Variants in UNC5C observed in about 807,000 individuals in gnomAD.
UNC5C encodes unc-5 netrin receptor C, also known as netrin receptor UNC5C.
A neutral mutation model predicts 99.8 loss-of-function variants in UNC5C; 47 were observed. The observed-to-expected ratio is 0.47, with a 90% CI of 0.37 to 0.60. The LOEUF (loss-of-function observed/expected upper bound fraction) is 0.60. Ranked by LOEUF, UNC5C falls within the 20% of genes least tolerant of loss-of-function variation. The pLI is 0.00. For synonymous variants in UNC5C, 487 were observed against 452.2 expected, an observed-to-expected ratio of 1.08 and a Z score of -0.98; for missense variants, 1,062 against 1,165.9, an observed-to-expected ratio of 0.91 and a Z score of 1.30.
chr4:95,234,381 C>CTTTT (rs35325293), intron 7 of UNC5C, among the ~76,000 whole-genome samples: 62,772 of 150,232 alleles, frequency 0.42, 13,315 homozygotes, highest in East Asian at 0.62. Context: ...AATCGCTTAC[C>CTTTT]TTTTTTTTAT....
chr4:95,209,286 A>T (rs570344459), intron 10 of UNC5C, among the ~76,000 whole-genome samples: 1 of 152,348 alleles, frequency 6.6e-6, no homozygotes, highest in South Asian at 2.1e-4. Flanking sequence ...GTGTTTTATC[A>T]GCACGCATAA....
Position 95,202,750 on chromosome 4 carries a change from T to G in UNC5C, c.2117A>C (p.Asp706Ala). ...EYSIRVYCLD[D>A]TQDALKEILH... ...ACTTACCTTCAGGGCATCCTGGGTGTCATCCAGACAGTAGACTCGGATGCT... is the reference window on the plus strand; with the variant it reads ...ACTTACCTTCAGGGCATCCTGGGTGGCATCCAGACAGTAGACTCGGATGCT... The change falls in exon 12 of 16, where the codon GAC becomes GCC. Residue 706 changes from aspartate to alanine, a missense_variant. By Grantham distance (126) the Asp-to-Ala change is moderately radical. This residue lies in a region of UNC5C where 810 missense variants were observed against 854.5 expected (regional missense o/e 0.95). Coordinates refer to ENST00000453304, the MANE Select transcript of UNC5C (RefSeq NM_003728.4). 6.2e-7 allele frequency: 1 copy of G among 1,614,174 alleles called. No individual in the cohort carries two copies. The highest frequency in any genetic ancestry group is 8.5e-7 in the Non-Finnish European group (1 of 1,179,994).
At chr4:95,213,070 G>A (rs900639400) in intron 10 of UNC5C, among the ~76,000 whole-genome samples, 8 of 152,164 alleles carry the variant, frequency 5.3e-5, no homozygotes, top group South Asian at 2.1e-4. Flanking sequence ...CTATTCCTGC[G>A]TCACTCAGCT....
At chr4:95,503,198 T>C (rs934033388) in intron 1 of UNC5C, among the ~76,000 whole-genome samples, 3 of 152,212 alleles carry the variant, frequency 2.0e-5, no homozygotes, top group African/African-American at 7.2e-5. Flanking sequence ...AGTGGGTTTG[T>C]TACAAAAGAG....
chr4:95,206,497 C>T, intron 11 of UNC5C, 131 bp downstream of exon 11: 3 of 1,326,994 alleles, frequency 2.3e-6, no homozygotes, highest in Non-Finnish European at 3.1e-6. Context: ...CTGCCTGTTT[C>T]TCTCTCATTT....
intron 1 of UNC5C, among the ~76,000 whole-genome samples, chr4:95,464,442 A>G (rs265029): frequency 0.61 from 92,612 of 152,016 alleles, 28,430 homozygotes; most frequent in East Asian, 0.76. Context: ...AGCTTTAGGA[A>G]TTGTTATTGG....
At chr4:95,199,047 T>C (rs1266220619) in intron 12 of UNC5C, among the ~76,000 whole-genome samples, 1 of 152,120 alleles carries the variant, frequency 6.6e-6, no homozygotes, top group Non-Finnish European at 1.5e-5. Context: ...AGCTTCCACC[T>C]GCTTCCTCTG....
chr4:95,378,803 A>G (rs1162547388), intron 1 of UNC5C, among the ~76,000 whole-genome samples: 1 of 152,196 alleles, frequency 6.6e-6, no homozygotes, highest in Non-Finnish European at 1.5e-5. Flanking sequence ...GCTACTAAGC[A>G]CAATAATTTA....
Position 95,312,461 on chromosome 4 carries a change from C to T in UNC5C, c.347-10712G>A, listed in dbSNP as rs114355090. On this transcript the variant is annotated intron_variant, in intron 2 of 15. Coordinates refer to ENST00000453304, the MANE Select transcript of UNC5C (RefSeq NM_003728.4). The stretch of plus-strand genomic sequence containing the variant: ...AGAATAAACTTAATTGTAGCTTAGA[C>T]GAGTAAAGGTAACTAGTATTTTTTG... 7.3e-3 allele frequency among the ~76,000 whole-genome samples: 1,108 copies of T among 152,218 alleles called. 13 individuals are homozygous for T. The highest frequency in any genetic ancestry group is 0.025 in the African/African-American group (1,051 of 41,548).
At chr4:95,245,429 C>T (rs1426443253) in intron 5 of UNC5C, among the ~76,000 whole-genome samples, 1 of 152,054 alleles carries the variant, frequency 6.6e-6, no homozygotes, top group Admixed American at 6.6e-5. Flanking sequence ...TTAAAAAATA[C>T]ACCTATCTCC....
At chr4:95,261,022 A>G (rs975412557) in intron 4 of UNC5C, among the ~76,000 whole-genome samples, 3 of 152,114 alleles carry the variant, frequency 2.0e-5, no homozygotes, top group East Asian at 3.9e-4. Context: ...AGGAGCAGAG[A>G]TCCAAATTCA....
chr4:95,301,769 G>C lies in UNC5C; in HGVS notation c.347-20C>G, dbSNP rs762036733. ...TGAGACCTGACAAGAGAAAAAGAAA[G>C]ATTTAAGTCAACACAAGATTCATAC... On this transcript the variant is annotated intron_variant, in intron 2 of 15. Coordinates refer to ENST00000453304, the MANE Select transcript of UNC5C (RefSeq NM_003728.4). 7 of 1,609,704 alleles carry C rather than the reference G, an allele frequency of 4.3e-6. No individual in the cohort carries two copies. The African/African-American group carries it at 8.0e-5, about 18-fold the overall frequency.
chr4:95,171,240 A>T (rs1016227365), intron 14 of UNC5C, among the ~76,000 whole-genome samples: 9 of 150,772 alleles, frequency 6.0e-5, no homozygotes, highest in African/African-American at 2.0e-4. Flanking sequence ...TTATTTATTT[A>T]TTATTATTAT....
At position 95,441,078 on chromosome 4, in the gene UNC5C, T is replaced by A. The variant is rs377626970; in HGVS notation, c.125-105447A>T. Among the ~76,000 whole-genome samples the A allele has an allele frequency of 1.1e-4, 16 of 152,186 alleles. No homozygotes were observed. The East Asian group carries it at 3.1e-3, about 29-fold the overall frequency. ...AAATAGAGTCTATATACTATTGGAA[T>A]TAAGAATTTCTGATTTCTAAATTTG... On this transcript the variant is annotated intron_variant, in intron 1 of 15. Transcript: ENST00000453304.
intron 1 of UNC5C, among the ~76,000 whole-genome samples, chr4:95,429,292 A>C (rs1280642377): frequency 1.9e-3 from 123 of 63,144 alleles, no homozygotes; most frequent in Non-Finnish European, 3.7e-3. Flanking sequence ...AAAAAAAAAA[A>C]AAAAACAAAC....
intron 1 of UNC5C, among the ~76,000 whole-genome samples, chr4:95,535,297 T>G (rs979950639): frequency 6.6e-6 from 1 of 152,178 alleles, no homozygotes; most frequent in African/African-American, 2.4e-5. Context: ...ATTTTACCTT[T>G]GACAACATGC....
intron 1 of UNC5C, among the ~76,000 whole-genome samples, chr4:95,463,051 A>G (rs748393105): frequency 1.3e-5 from 2 of 152,182 alleles, no homozygotes; most frequent in Non-Finnish European, 2.9e-5. Context: ...GTAGTCTTCC[A>G]GCTGCCGCCC....
Position 95,250,621 on chromosome 4 carries a change from C to T in UNC5C, c.641G>A (p.Arg214Gln), listed in dbSNP as rs368780249. 1.1e-5 allele frequency: 17 copies of T among 1,613,832 alleles called. No homozygotes were observed. The East Asian group carries it at 1.1e-4, about 11-fold the overall frequency. ...GTGATCAATAGTAATATAAAAATTCCGATCTTCAACGGGATCAATTATGTC... is the reference window on the plus strand; with the variant it reads ...GTGATCAATAGTAATATAAAAATTCTGATCTTCAACGGGATCAATTATGTC... The part of the protein sequence containing the change: ...NEDIIDPVED[R>Q]NFYITIDHNL... The change falls in exon 5 of 16, where the codon CGG becomes CAG. Residue 214 changes from arginine (R) to glutamine (Q), a missense_variant. By Grantham distance (43) the Arg-to-Gln change is conservative. Transcript: ENST00000453304.
At chr4:95,464,498 A>G (rs1747711573) in intron 1 of UNC5C, among the ~76,000 whole-genome samples, 1 of 152,206 alleles carries the variant, frequency 6.6e-6, no homozygotes, top group Non-Finnish European at 1.5e-5. Flanking sequence ...AAGTCAGAAA[A>G]GTAGGAGCAT....
Sources: allele counts gnomAD v4.1 joint callset (sites outside exome capture counted in the v4.1 genomes callset), GRCh38; gene constraint gnomAD v4.1.1; regional missense constraint gnomAD v4.1.1; transcripts MANE v1.5; gene names NCBI Gene and HGNC (gene_info 2026-07-23, HGNC 2026-07-21).